The following AUTS2 variants were observed in gnomAD, a reference collection of about 807,000 sequenced individuals.
The protein encoded by AUTS2 is autism susceptibility gene 2 protein.
A neutral mutation model predicts 112.4 loss-of-function variants in AUTS2; 17 were observed. That is an observed-to-expected ratio of 0.15 (90% CI 0.10 to 0.23). The LOEUF (loss-of-function observed/expected upper bound fraction) is 0.23. Among genes scored for constraint, AUTS2 ranks in the 10% least tolerant of loss-of-function variants. The probability of loss-of-function intolerance (pLI) is 1.00; values close to 1 mark genes in which losing one functional copy is unlikely to be tolerated. For synonymous variants in AUTS2, 751 were observed against 702.7 expected, an observed-to-expected ratio of 1.07 and a Z score of -1.09; for missense variants, 1,510 against 1,701.6, an observed-to-expected ratio of 0.89 and a Z score of 1.98.
At chr7:69,985,227 T>TAAAAAAAA in intron 2 of AUTS2, among the ~76,000 whole-genome samples, 1 of 104,686 alleles carries the variant, frequency 9.6e-6, no homozygotes, top group African/African-American at 3.7e-5. Flanking sequence ...GAAGACTCTC[T>TAAAAAAAA]AAAAAAAAAA....
intron 2 of AUTS2, among the ~76,000 whole-genome samples, chr7:69,905,101 G>A (rs925299822): frequency 1.3e-5 from 2 of 152,118 alleles, no homozygotes; most frequent in Non-Finnish European, 2.9e-5. Flanking sequence ...AGGTTTATTC[G>A]TGTTTTTCAT....
intron 4 of AUTS2, among the ~76,000 whole-genome samples, chr7:70,319,672 C>T (rs1585013813): frequency 6.6e-6 from 1 of 152,132 alleles, no homozygotes; most frequent in East Asian, 1.9e-4. Flanking sequence ...TTTATTGATT[C>T]CTCTTGGTTT....
chr7:69,927,441 T>TA (rs200265259), intron 2 of AUTS2, among the ~76,000 whole-genome samples: 4 of 150,400 alleles, frequency 2.7e-5, no homozygotes, highest in Admixed American at 6.6e-5. Context: ...TTTAAATAAT[T>TA]AAAAAAAAAA....
chr7:70,171,929 T>C (rs1808721147), intron 4 of AUTS2, among the ~76,000 whole-genome samples: 1 of 151,922 alleles, frequency 6.6e-6, no homozygotes, highest in African/African-American at 2.4e-5. Context: ...TTTTCCCTCC[T>C]TCTTTTCTTG....
intron 1 of AUTS2, among the ~76,000 whole-genome samples, chr7:69,792,745 A>C (rs1304146225): frequency 4.6e-5 from 7 of 151,802 alleles, no homozygotes; most frequent in Non-Finnish European, 1.0e-4. Context: ...GCCTTTTATC[A>C]CAAAGGCCTT....
intron 4 of AUTS2, among the ~76,000 whole-genome samples, chr7:70,327,336 G>C (rs1790537031): frequency 1.3e-5 from 2 of 152,188 alleles, no homozygotes; most frequent in Admixed American, 6.5e-5. Context: ...CTAAAGGGCA[G>C]TAGCTTCTAG....
chr7:69,831,233 A>G (rs186818502), intron 1 of AUTS2, among the ~76,000 whole-genome samples: 229 of 152,202 alleles, frequency 1.5e-3, no homozygotes, highest in Non-Finnish European at 7.8e-4. Flanking sequence ...ATTTAGTGCA[A>G]TTAGAATTAG....
chr7:70,058,363 A>G (rs897476542), intron 2 of AUTS2, among the ~76,000 whole-genome samples: 6 of 152,206 alleles, frequency 3.9e-5, no homozygotes, highest in Non-Finnish European at 7.3e-5. Flanking sequence ...TTGAGGCCTC[A>G]TAAAAAATAG....
At chr7:70,486,574 A>C (rs1798008102) in intron 5 of AUTS2, among the ~76,000 whole-genome samples, 1 of 152,078 alleles carries the variant, frequency 6.6e-6, no homozygotes, top group Non-Finnish European at 1.5e-5. Context: ...CGTCTCTACT[A>C]AAAAACAAAA....
intron 4 of AUTS2, among the ~76,000 whole-genome samples, chr7:70,146,052 GC>G (rs1807106566): frequency 6.6e-6 from 1 of 152,056 alleles, no homozygotes; most frequent in Non-Finnish European, 1.5e-5. Context: ...TCAATGCAAA[GC>G]CAGCGATTTA....
At chr7:69,971,056 T>C (rs1402199915) in intron 2 of AUTS2, among the ~76,000 whole-genome samples, 1 of 152,158 alleles carries the variant, frequency 6.6e-6, no homozygotes, top group Non-Finnish European at 1.5e-5. Context: ...CGTGTGTCTG[T>C]GGTCTCAGCT....
At chr7:69,737,317 G>C (rs540473025) in intron 1 of AUTS2, among the ~76,000 whole-genome samples, 12 of 152,272 alleles carry the variant, frequency 7.9e-5, no homozygotes, top group African/African-American at 2.9e-4. Flanking sequence ...ACTGTGCTAA[G>C]TGCTTGTAAT....
chr7:70,087,852 T>A (rs1448208376), intron 2 of AUTS2, among the ~76,000 whole-genome samples: 1 of 152,198 alleles, frequency 6.6e-6, no homozygotes, highest in Admixed American at 6.5e-5. Flanking sequence ...TGGAGTTTTC[T>A]TTATAGGAAA....
intron 2 of AUTS2, among the ~76,000 whole-genome samples, chr7:69,971,575 C>T (rs1178612694): frequency 1.3e-5 from 2 of 152,180 alleles, no homozygotes; most frequent in Non-Finnish European, 2.9e-5. Flanking sequence ...AAAAGTCTCT[C>T]TCCTGATGGC....
In AUTS2 at chr7:69,899,069, C is replaced by T. The variant is rs112779391; in HGVS notation, c.310-217C>T. On this transcript the variant is annotated intron_variant, in intron 1 of 18. Coordinates refer to ENST00000342771, the MANE Select transcript of AUTS2 (RefSeq NM_015570.4). The stretch of plus-strand genomic sequence containing the variant: ...ACTTGTGTTTTGTTTAGTTTTCTGC[C>T]CAGTAATAATAGAAAGGATATATAT... Among the ~76,000 whole-genome samples, 3 of 152,130 alleles carry T rather than the reference C, an allele frequency of 2.0e-5. 1 individual carries two copies. Among genetic ancestry groups the T allele is most frequent in the African/African-American group, 7.2e-5 (3 of 41,488 alleles).
intron 5 of AUTS2, among the ~76,000 whole-genome samples, chr7:70,664,021 A>T (rs554191777): frequency 1.3e-5 from 2 of 152,208 alleles, no homozygotes; most frequent in Non-Finnish European, 2.9e-5. Flanking sequence ...CAGAAATGAA[A>T]TTGTTGAGTT....
chr7:69,899,531 CG>C (rs780616862), intron 2 of AUTS2, 33 bp downstream of exon 2: 17 of 1,600,368 alleles, frequency 1.1e-5, no homozygotes, highest in Admixed American at 1.7e-5. Context: ...TTTCCTGTGG[CG>C]GCAAAATCCC....
chr7:69,721,094 A>C (rs77281324), intron 1 of AUTS2, among the ~76,000 whole-genome samples: 1 of 152,168 alleles, frequency 6.6e-6, no homozygotes, highest in Non-Finnish European at 1.5e-5. Context: ...AATGAAGGAG[A>C]TGAAGAATGA....
At chr7:69,680,474 C>T (rs1796742747) in intron 1 of AUTS2, among the ~76,000 whole-genome samples, 1 of 152,022 alleles carries the variant, frequency 6.6e-6, no homozygotes, top group Non-Finnish European at 1.5e-5. Flanking sequence ...ACAAAGTGTA[C>T]CATCTTAACC....
Sources: allele counts gnomAD v4.1 joint callset (sites outside exome capture counted in the v4.1 genomes callset), GRCh38; gene constraint gnomAD v4.1.1; transcripts MANE v1.5; gene names NCBI Gene and HGNC (gene_info 2026-07-23, HGNC 2026-07-21).